SLC12A3: variants seen among roughly 807,000 people sequenced by gnomAD.
SLC12A3 encodes the protein solute carrier family 12 member 3.
Under a neutral mutation model 121.0 loss-of-function variants are expected in SLC12A3, and 104 were observed. That is an observed-to-expected ratio of 0.86 (90% CI 0.73 to 1.01). The LOEUF is 1.01. SLC12A3 is among the 50% of genes least tolerant of loss of function. The pLI is 0.00. For synonymous variants in SLC12A3, 536 were observed against 533.4 expected (o/e 1.00, Z -0.07); for missense variants, 1,328 against 1,356.3 (o/e 0.98, Z 0.33).
chr16:56,893,491 TTAA>T (rs1393590733), intron 21 of SLC12A3, among the ~76,000 whole-genome samples: 3 of 152,240 alleles, frequency 2.0e-5, no homozygotes, highest in Non-Finnish European at 4.4e-5. Context: ...ACGAGTCCTA[TTAA>T]TAACTGCCAA....
intron 13 of SLC12A3, among the ~76,000 whole-genome samples, chr16:56,883,532 A>T (rs1358340402): frequency 6.6e-6 from 1 of 152,064 alleles, no homozygotes; most frequent in Non-Finnish European, 1.5e-5. Flanking sequence ...CGCCCGCCTC[A>T]GCCTCCCAAA....
rs201945662 is a variant in SLC12A3, at chr16:56,879,596, G to T, written c.1390G>T (p.Ala464Ser). 1 of 1,613,752 alleles carries T rather than the reference G, an allele frequency of 6.2e-7. No individual in the cohort carries two copies. Among genetic ancestry groups the T allele is most frequent in the Non-Finnish European group, 8.5e-7 (1 of 1,180,002 alleles). Residue 464 changes from alanine to serine, a missense_variant, in exon 11 of 26, where the codon GCC (alanine) becomes TCC (serine). Ala to Ser is a moderately conservative substitution (Grantham distance 99). Coordinates refer to ENST00000563236, the MANE Select transcript of SLC12A3 (RefSeq NM_001126108.2). ...CCTGATCACGGCTGGCATCTTCGGG[G>T]CCACCCTCTCCTCTGCCCTGGCCTG... Reference protein sequence around the residue: ...APLITAGIFGATLSSALACLV... With the variant: ...APLITAGIFGSTLSSALACLV...
intron 24 of SLC12A3, 26 bp from the exon 25 acceptor site, chr16:56,904,369 T>C: frequency 6.2e-7 from 1 of 1,610,994 alleles, no homozygotes; most frequent in Admixed American, 1.7e-5. Context: ...ATATGGGAAG[T>C]GACCACTCGG....
At chr16:56,869,543 G>A (rs1245695524) in intron 3 of SLC12A3, among the ~76,000 whole-genome samples, 186 bp from the exon 4 acceptor site, 1 of 152,158 alleles carries the variant, frequency 6.6e-6, no homozygotes, top group African/African-American at 2.4e-5. Flanking sequence ...GGCCAGGCTG[G>A]TCTTGAACTC....
At chr16:56,882,677 C>T (rs1288142874) in intron 13 of SLC12A3, among the ~76,000 whole-genome samples, 180 bp downstream of exon 13, 8 of 151,946 alleles carry the variant, frequency 5.3e-5, no homozygotes, top group African/African-American at 1.9e-4. Flanking sequence ...CTCGGTGGCT[C>T]ATGCCTGTAA....
At position 56,887,110 on chromosome 16, in the gene SLC12A3, G is replaced by A. The variant is rs767532417; in HGVS notation, c.2178+17G>A. On this transcript the variant is annotated intron_variant, in intron 17 of 25. Transcript: ENST00000563236. Reference sequence around the variant, plus strand: ...CTCATGCAGGTGCCATGGACTGGGGGCTCCCCTACAGGACTTACGGCTTGG... The same window carrying A: ...CTCATGCAGGTGCCATGGACTGGGGACTCCCCTACAGGACTTACGGCTTGG... 6.2e-7 allele frequency: 1 copy of A among 1,613,670 alleles called. No individual in the cohort carries two copies. Among genetic ancestry groups the A allele is most frequent in the Admixed American group, 1.7e-5 (1 of 60,002 alleles).
rs16963522 is a variant in SLC12A3, at chr16:56,902,656, T to C, written c.2856+148T>C. 22,066 of 956,318 alleles carry C rather than the reference T, an allele frequency of 0.023. 482 individuals are homozygous for C. Among genetic ancestry groups the C allele is most frequent in the African/African-American group, 0.074 (4,572 of 61,820 alleles). The allele number at this position is 956,318 out of a possible 1,614,324, so 59.2% of individuals were successfully genotyped here. ...CTGAGGTATCCTCAAGCCACAGTCG[T>C]TCAGGCTGATGGGTAACCCGGCTGT... On this transcript the variant is annotated intron_variant, in intron 24 of 25. Coordinates refer to ENST00000563236, the MANE Select transcript of SLC12A3 (RefSeq NM_001126108.2).
chr16:56,875,344 C>T (rs1272691169), intron 8 of SLC12A3, among the ~76,000 whole-genome samples: 2 of 152,112 alleles, frequency 1.3e-5, no homozygotes, highest in African/African-American at 4.8e-5. Context: ...TCTTGCAGGG[C>T]GGTGGGGAGG....
Position 56,893,017 on chromosome 16 carries a change from G to C in SLC12A3, c.2484G>C (p.Lys828Asn). 1 of 1,614,216 alleles carries C rather than the reference G, an allele frequency of 6.2e-7. No homozygotes were observed. The highest frequency in any genetic ancestry group is 8.5e-7 in the Non-Finnish European group (1 of 1,180,006). Residue 828 changes from lysine to asparagine, a missense_variant, in exon 21 of 26, where the codon AAG becomes AAC. Transcript: ENST00000563236. ...CCATCTTCCAGTCGGAGCAGGGCAA[G>C]AAGACCATAGACATCTACTGGCTCT... ...ATTIFQSEQG[K>N]KTIDIYWLFD...
At chr16:56,906,625 G>A in intron 25 of SLC12A3, 1 of 373,374 alleles carries the variant, frequency 2.7e-6, no homozygotes, top group South Asian at 3.4e-5. Context: ...CTTCACCCTG[G>A]GAAGGCAACA....
intron 12 of SLC12A3, among the ~76,000 whole-genome samples, 193 bp from the exon 13 acceptor site, chr16:56,882,203 C>T (rs1477847857): frequency 2.0e-5 from 3 of 152,152 alleles, no homozygotes; most frequent in African/African-American, 7.2e-5. Flanking sequence ...TACAAGACAC[C>T]ATCCCTTTGA....
intron 15 of SLC12A3, among the ~76,000 whole-genome samples, chr16:56,886,009 G>A (rs1290928792): frequency 6.6e-6 from 1 of 152,192 alleles, no homozygotes; most frequent in East Asian, 1.9e-4. Context: ...TCGACGCAGA[G>A]GCTGAGTCAC....
Position 56,867,228 on chromosome 16 carries a change from G to A in SLC12A3, c.429+12G>A. 1.2e-6 allele frequency: 2 copies of A among 1,602,022 alleles called. No homozygotes were observed. Among genetic ancestry groups the A allele is most frequent in the Non-Finnish European group, 1.7e-6 (2 of 1,175,012 alleles). On this transcript the variant is annotated intron_variant, in intron 2 of 25. Coordinates refer to ENST00000563236, the MANE Select transcript of SLC12A3 (RefSeq NM_001126108.2). ...TCAAGGGGGTGATGGTGAGTGGGGT[G>A]TGGGTGGTGCGTGATGTCCAGAAAT... is the stretch of plus-strand genomic sequence containing the variant.
Position 56,887,984 on chromosome 16 carries a change from G to T in SLC12A3, c.2238G>T (p.Trp746Cys), listed in dbSNP as rs2055341698. ...TGGTGGTTGGGTTCAAGAAGAACTG[G>T]CAGTCGGCTCACCCGGCCACAGTGG... ...NILVVGFKKN[W>C]QSAHPATVED... The change falls in exon 18 of 26, where the codon TGG (tryptophan) becomes TGT (cysteine). Residue 746 changes from tryptophan (W) to cysteine (C), a missense_variant. By Grantham distance (215) the Trp-to-Cys change is radical. Transcript: ENST00000563236. 6.2e-7 allele frequency: 1 copy of T among 1,612,222 alleles called. No individual in the cohort carries two copies. The highest frequency in any genetic ancestry group is 8.5e-7 in the Non-Finnish European group (1 of 1,179,070).
intron 25 of SLC12A3, among the ~76,000 whole-genome samples, chr16:56,905,075 C>T (rs1323649381): frequency 2.6e-5 from 4 of 152,164 alleles, no homozygotes; most frequent in Non-Finnish European, 4.4e-5. Context: ...CACGGTGGCT[C>T]ATGCCTGTAA....
intron 20 of SLC12A3, 170 bp downstream of exon 20, chr16:56,892,303 T>G (rs1182965410): frequency 1.5e-6 from 1 of 670,080 alleles, no homozygotes; most frequent in Non-Finnish European, 2.7e-6. Context: ...CTGGAGGGGC[T>G]TGGCCGTGTC....
chr16:56,887,085 C>A lies in SLC12A3; in HGVS notation c.2170C>A (p.Leu724Ile). ...GGACCTCCGCAGAGGCGTCCAGATCCTCATGCAGGTGCCATGGACTGGGGG... is the reference window on the plus strand; with the variant it reads ...GGACCTCCGCAGAGGCGTCCAGATCATCATGCAGGTGCCATGGACTGGGGG... ...AEDLRRGVQILMQAAGLGRMK... is the reference protein window; with the variant it reads ...AEDLRRGVQIIMQAAGLGRMK... The change falls in exon 17 of 26, where the codon CTC (leucine) becomes ATC (isoleucine). Residue 724 changes from leucine to isoleucine, a missense_variant. Coordinates refer to ENST00000563236, the MANE Select transcript of SLC12A3 (RefSeq NM_001126108.2). The A allele has an allele frequency of 6.2e-7, 1 of 1,613,964 alleles. No individual in the cohort carries two copies. The highest frequency in any genetic ancestry group is 8.5e-7 in the Non-Finnish European group (1 of 1,180,036).
Position 56,880,270 on chromosome 16 carries a change from G to C in SLC12A3, c.1567+17G>C, listed in dbSNP as rs543161188. 54 of 1,567,732 alleles carry C rather than the reference G, an allele frequency of 3.4e-5. No homozygotes were observed. The Admixed American group carries it at 5.0e-4, about 15-fold the overall frequency. On this transcript the variant is annotated intron_variant, in intron 12 of 25. Coordinates refer to ENST00000563236, the MANE Select transcript of SLC12A3 (RefSeq NM_001126108.2). Reference sequence around the variant, plus strand: ...TCATCATCGGTAAGGCTCTGCCAGGGCTCACAGGGCCTGGCCTCCTGTTCC... The same window carrying C: ...TCATCATCGGTAAGGCTCTGCCAGGCCTCACAGGGCCTGGCCTCCTGTTCC...
rs556326760 is a variant in SLC12A3, at chr16:56,907,187, G to A, written c.2924+2725G>A. On this transcript the variant is annotated intron_variant, in intron 25 of 25. Coordinates refer to ENST00000563236, the MANE Select transcript of SLC12A3 (RefSeq NM_001126108.2). ...AAACGTGCTTGGGGCTGGGCATGGT[G>A]GCTCACGCCTGTAATCCCAGCACTT... 1.1e-4 allele frequency: 17 copies of A among 159,662 alleles called. No homozygotes were observed. The South Asian group carries it at 2.7e-3, about 26-fold the overall frequency. 9.9% of individuals were successfully genotyped at this position (159,662 alleles called of 1,614,324 possible). A position where few individuals can be genotyped will look rare whatever the true frequency, so the allele number is the denominator to read the frequency against.
Sources: allele counts gnomAD v4.1 joint callset (sites outside exome capture counted in the v4.1 genomes callset), GRCh38; gene constraint gnomAD v4.1.1; transcripts MANE v1.5; gene names NCBI Gene and HGNC (gene_info 2026-07-23, HGNC 2026-07-21).